PDGFD: variants seen among roughly 807,000 people sequenced by gnomAD.
PDGFD encodes the protein platelet-derived growth factor D.
PDGFD carries 30 observed loss-of-function variants against 44.7 expected under a neutral mutation model. The observed-to-expected ratio is 0.67, with a 90% confidence interval of 0.50 to 0.91. The LOEUF (loss-of-function observed/expected upper bound fraction) is 0.91. Among genes scored for constraint, PDGFD ranks in the 40% least tolerant of loss-of-function variants. The probability of loss-of-function intolerance (pLI) is 0.00; values close to 1 mark genes in which losing one functional copy is unlikely to be tolerated. For synonymous variants in PDGFD, 173 were observed against 168.4 expected, an observed-to-expected ratio of 1.03 and a Z score of -0.21; for missense variants, 445 against 457.8, an observed-to-expected ratio of 0.97 and a Z score of 0.25.
intron 1 of PDGFD, among the ~76,000 whole-genome samples, chr11:104,070,831 A>G (rs1860862512): frequency 6.6e-6 from 1 of 152,200 alleles, no homozygotes. Context: ...TTATAGAATT[A>G]CAAACAATGT....
At chr11:104,008,019 G>A (rs185931102) in intron 1 of PDGFD, among the ~76,000 whole-genome samples, 5 of 152,274 alleles carry the variant, frequency 3.3e-5, no homozygotes, top group Admixed American at 1.3e-4. Context: ...TTTGTTGCAA[G>A]CCCAAAGAAT....
intron 1 of PDGFD, among the ~76,000 whole-genome samples, chr11:104,067,152 G>C (rs1004237221): frequency 6.6e-6 from 1 of 152,140 alleles, no homozygotes; most frequent in Admixed American, 6.5e-5. Flanking sequence ...CAGTTCCCAT[G>C]ATTGTACACA....
At chr11:104,071,573 TGTAA>T (rs1253561501) in intron 1 of PDGFD, among the ~76,000 whole-genome samples, 1 of 151,850 alleles carries the variant, frequency 6.6e-6, no homozygotes, top group East Asian at 1.9e-4. Context: ...TTATAAATAT[TGTAA>T]GTATTTTCTC....
rs1857962568 is a variant in PDGFD, at chr11:103,907,945, T to C, written c.*1749A>G. On this transcript the variant is annotated 3_prime_UTR_variant, in exon 7 of 7. Transcript: ENST00000393158. ...TAGGAAAGTTTTAGAAGGTACATCT[T>C]CAATAAGCAGAGATCTTTCATCTCA... is the stretch of plus-strand genomic sequence containing the variant. The C allele has an allele frequency of 6.6e-6, 1 of 152,216 alleles. No homozygotes were observed. The highest frequency in any genetic ancestry group is 2.4e-5 in the African/African-American group (1 of 41,448). 9.4% of individuals were successfully genotyped at this position (152,216 alleles called of 1,614,324 possible). A position where few individuals can be genotyped will look rare whatever the true frequency, so the allele number is the denominator to read the frequency against.
Position 104,141,406 on chromosome 11 carries a change from T to A in PDGFD, c.124+22398A>T, listed in dbSNP as rs533731940. On this transcript the variant is annotated intron_variant, in intron 1 of 6. Transcript: ENST00000393158. ...ATACAGAGATTTAATTTAATTTTTT[T>A]TTTTTTTTAGAGTCAGGATCTTGCC... Among the ~76,000 whole-genome samples the A allele has an allele frequency of 3.3e-3, 509 of 152,082 alleles. 2 individuals carry two copies. Among genetic ancestry groups the A allele is most frequent in the African/African-American group, 9.6e-3 (397 of 41,472 alleles).
intron 1 of PDGFD, among the ~76,000 whole-genome samples, chr11:104,002,718 C>T (rs1859638452): frequency 6.6e-6 from 1 of 152,202 alleles, no homozygotes; most frequent in Non-Finnish European, 1.5e-5. Context: ...ACTTCTATCA[C>T]TTGAGTATTA....
At chr11:104,040,656 T>TGGAAAATTTGA (rs1565318508) in intron 1 of PDGFD, among the ~76,000 whole-genome samples, 1 of 152,012 alleles carries the variant, frequency 6.6e-6, no homozygotes, top group Non-Finnish European at 1.5e-5. Flanking sequence ...ATTTTGCAGA[T>TGGAAAATTTGA]GGAAAATTTG....
At chr11:104,008,918 A>G in intron 1 of PDGFD, among the ~76,000 whole-genome samples, 1 of 152,242 alleles carries the variant, frequency 6.6e-6, no homozygotes, top group South Asian at 2.1e-4. Context: ...GCAAATTATT[A>G]ATACAAACCT....
chr11:104,054,165 T>A (rs1450502202), intron 1 of PDGFD, among the ~76,000 whole-genome samples: 2 of 152,200 alleles, frequency 1.3e-5, no homozygotes, highest in Non-Finnish European at 2.9e-5. Context: ...CATAACTGGA[T>A]TTTGACTACT....
intron 1 of PDGFD, chr11:104,036,616 G>T: frequency 1.7e-6 from 1 of 592,520 alleles, no homozygotes; most frequent in Non-Finnish European, 3.0e-6. Context: ...CTACCTCAAG[G>T]CTCCACCTGG....
At chr11:103,967,413 C>T (rs145617075) in intron 3 of PDGFD, among the ~76,000 whole-genome samples, 14 of 152,268 alleles carry the variant, frequency 9.2e-5, no homozygotes, top group African/African-American at 3.4e-4. Context: ...TCTGCAACTC[C>T]CTCTTAATCT....
intron 1 of PDGFD, among the ~76,000 whole-genome samples, chr11:104,100,701 A>G (rs1056225388): frequency 1.3e-5 from 2 of 152,238 alleles, no homozygotes; most frequent in Admixed American, 6.5e-5. Flanking sequence ...AAAATCCTCA[A>G]TAAAATACTG....
At chr11:103,924,759 A>G (rs1322703643) in intron 6 of PDGFD, among the ~76,000 whole-genome samples, 1 of 152,204 alleles carries the variant, frequency 6.6e-6, no homozygotes, top group Non-Finnish European at 1.5e-5. Flanking sequence ...AGTTTTACAA[A>G]GCTGGAGATT....
intron 1 of PDGFD, among the ~76,000 whole-genome samples, chr11:104,011,336 T>C (rs748213667): frequency 2.0e-5 from 3 of 152,118 alleles, no homozygotes; most frequent in Non-Finnish European, 4.4e-5. Context: ...CTATATTTAA[T>C]ATGTACATTA....
intron 3 of PDGFD, among the ~76,000 whole-genome samples, chr11:103,991,234 T>G (rs1859447035): frequency 6.6e-6 from 1 of 152,206 alleles, no homozygotes; most frequent in East Asian, 1.9e-4. Context: ...CTGGTAAATT[T>G]TAGGTGAGCA....
intron 1 of PDGFD, among the ~76,000 whole-genome samples, chr11:104,143,117 T>C (rs1176197035): frequency 6.6e-6 from 1 of 152,180 alleles, no homozygotes; most frequent in African/African-American, 2.4e-5. Context: ...TAATATTCTG[T>C]ATGAAAAAAT....
intron 2 of PDGFD, among the ~76,000 whole-genome samples, chr11:103,999,731 G>C (rs955571562): frequency 2.0e-5 from 3 of 152,106 alleles, no homozygotes; most frequent in African/African-American, 7.2e-5. Flanking sequence ...CCGTAACCTG[G>C]GATGCTGGAT....
At chr11:104,120,047 A>T (rs187287986) in intron 1 of PDGFD, among the ~76,000 whole-genome samples, 11 of 147,858 alleles carry the variant, frequency 7.4e-5, no homozygotes, top group African/African-American at 2.7e-4. Flanking sequence ...TGAGAACTGG[A>T]ACATATATAT....
At chr11:104,085,908 G>C (rs1293792115) in intron 1 of PDGFD, among the ~76,000 whole-genome samples, 1 of 152,078 alleles carries the variant, frequency 6.6e-6, no homozygotes, top group Non-Finnish European at 1.5e-5. Context: ...CCATGATAAA[G>C]TTCTCAAGGA....
Sources: allele counts gnomAD v4.1 joint callset (sites outside exome capture counted in the v4.1 genomes callset), GRCh38; gene constraint gnomAD v4.1.1; transcripts MANE v1.5; gene names NCBI Gene and HGNC (gene_info 2026-07-23, HGNC 2026-07-21).